Variants in ZNF250 observed in about 807,000 individuals in gnomAD.
The protein encoded by ZNF250 is zinc finger protein 250.
Under a neutral mutation model 37.1 loss-of-function variants are expected in ZNF250, and 13 were observed. The ratio of observed to expected loss-of-function variants is 0.35; its 90% CI spans 0.23 to 0.56. ZNF250 has a LOEUF of 0.56. Ranked by LOEUF, ZNF250 falls within the 20% of genes least tolerant of loss-of-function variation. The pLI, the probability that ZNF250 is intolerant of heterozygous loss-of-function variation, is 0.87. For synonymous variants in ZNF250, 251 were observed against 265.6 expected, an observed-to-expected ratio of 0.94 and a Z score of 0.54; for missense variants, 474 against 697.9, an observed-to-expected ratio of 0.68 and a Z score of 3.61.
chr8:144,898,397 T>C (rs2129902045), intron 1 of ZNF250, among the ~76,000 whole-genome samples: 1 of 152,270 alleles, frequency 6.6e-6, no homozygotes, highest in Non-Finnish European at 1.5e-5. Flanking sequence ...CAGTAACACC[T>C]AATCAGAAAA....
rs1173224426 is a variant in ZNF250 at position 144,882,064 on chromosome 8, GTCGCTGAAGGCCTTCCCACAC to G, written c.1098_1118del (p.Glu366_Ser372del). ...TGTGGTGCTGAATGAGGACTGAGCG[GTCGCTGAAGGCCTTCCCACAC>G]TCGCTGCACGTGTAGGGCTTCTCCC... is the stretch of plus-strand genomic sequence containing the variant. On this transcript the variant is annotated inframe_deletion, in exon 6 of 6. Transcript: ENST00000417550. This position sits in a 1 kb window ranked among gnomAD's most constrained non-coding sequence, Gnocchi z 5.5. 1 of 1,611,578 alleles carries G rather than the reference GTCGCTGAAGGCCTTCCCACAC, an allele frequency of 6.2e-7. No homozygotes were observed. The highest frequency in any genetic ancestry group is 8.5e-7 in the Non-Finnish European group (1 of 1,179,332).
intron 5 of ZNF250, among the ~76,000 whole-genome samples, chr8:144,886,211 C>T (rs1033292438): frequency 2.6e-5 from 4 of 151,768 alleles, no homozygotes; most frequent in Admixed American, 1.3e-4. Flanking sequence ...TGGCTCATGC[C>T]GGTAATCCCA....
rs1014245175 is a variant in ZNF250 at position 144,880,126 on chromosome 8, A to G, written c.*1389T>C. ...AAATAATTCTGAATACAAATTTTTA[A>G]TTATGAATAAACTAGATTCATCTTC... is the stretch of plus-strand genomic sequence containing the variant. On this transcript the variant is annotated 3_prime_UTR_variant, in exon 6 of 6. Transcript: ENST00000417550. 6.0e-6 allele frequency: 1 copy of G among 167,182 alleles called. No individual in the cohort carries two copies. The highest frequency in any genetic ancestry group is 2.4e-5 in the African/African-American group (1 of 41,698). 10.4% of individuals were successfully genotyped at this position (167,182 alleles called of 1,614,324 possible).
rs372708944 is a variant in ZNF250, at chr8:144,882,759, C to T, written c.424G>A (p.Gly142Arg). Residue 142 changes from glycine to arginine, a missense_variant, in exon 6 of 6, where the codon GGG becomes AGG. Transcript: ENST00000417550. This position sits in a 1 kb window ranked among gnomAD's most constrained non-coding sequence, Gnocchi z 5.5. ...TCAATCCTCCCCAAGGGTGTTTTCC[C>T]CAGAATCACTGTTTGCTCTGAAATT... ...PLISEQTVIL[G>R]KTPLGRIDQE... 18 of 1,614,012 alleles carry T rather than the reference C, an allele frequency of 1.1e-5. No individual in the cohort carries two copies. The highest frequency in any genetic ancestry group is 1.5e-5 in the Non-Finnish European group (18 of 1,179,884).
intron 1 of ZNF250, among the ~76,000 whole-genome samples, chr8:144,892,615 C>G (rs1563896209): frequency 6.6e-6 from 1 of 151,670 alleles, no homozygotes; most frequent in Non-Finnish European, 1.5e-5. Context: ...AATGCAACGG[C>G]GAGATCTCGG....
intron 1 of ZNF250, among the ~76,000 whole-genome samples, chr8:144,893,293 C>A (rs2129835514): frequency 6.6e-6 from 1 of 152,240 alleles, no homozygotes; most frequent in South Asian, 2.1e-4. Flanking sequence ...CCTGCCACAC[C>A]CTGACCCTTT....
chr8:144,885,148 T>C (rs1428352731), intron 5 of ZNF250, among the ~76,000 whole-genome samples: 3 of 152,206 alleles, frequency 2.0e-5, no homozygotes, highest in African/African-American at 7.2e-5. Context: ...AGACAGAGTT[T>C]CGTTCTTGTT....
rs1350220407 is a variant in ZNF250, at chr8:144,880,371, T to C, written c.*1144A>G. ...GATGTAAAGAGGTACCCACTTGGTG[T>C]AACAGCTATGAGGTCTGCTGAGTGT... On this transcript the variant is annotated 3_prime_UTR_variant, in exon 6 of 6. Coordinates refer to ENST00000417550, the MANE Select transcript of ZNF250 (RefSeq NM_001109689.4). The C allele has an allele frequency of 2.2e-6, 1 of 455,192 alleles. No homozygotes were observed. The highest frequency in any genetic ancestry group is 2.0e-5 in the African/African-American group (1 of 50,048). The allele number at this position is 455,192 out of a possible 1,614,324, so 28.2% of individuals were successfully genotyped here.
chr8:144,898,440 C>G (rs991444265), intron 1 of ZNF250, among the ~76,000 whole-genome samples: 5 of 152,012 alleles, frequency 3.3e-5, no homozygotes, highest in Non-Finnish European at 7.4e-5. Flanking sequence ...CAACAAATAG[C>G]AACAAGAAAC....
At chr8:144,893,352 A>G (rs1032595143) in intron 1 of ZNF250, among the ~76,000 whole-genome samples, 3 of 151,824 alleles carry the variant, frequency 2.0e-5, no homozygotes, top group African/African-American at 7.3e-5. Flanking sequence ...TTATTTTGAA[A>G]CAGAATCTCG....
At chr8:144,889,461 A>G (rs1832152325) in intron 4 of ZNF250, 120 bp downstream of exon 4, 2 of 720,760 alleles carry the variant, frequency 2.8e-6, no homozygotes, top group Middle Eastern at 3.2e-4. Context: ...ATAAGGCCAG[A>G]TAAGGTTTTA....
rs952275714 is a variant in ZNF250 at position 144,901,143 on chromosome 8, C to G, written c.-55+256G>C. Among the ~76,000 whole-genome samples, 2 of 123,948 alleles carry G rather than the reference C, an allele frequency of 1.6e-5. No homozygotes were observed. The allele number at this position is 123,948 out of a possible 152,430, so 81.3% of individuals were successfully genotyped here. A position where few individuals can be genotyped will look rare whatever the true frequency, so the allele number is the denominator to read the frequency against. On this transcript the variant is annotated intron_variant, in intron 1 of 5. Coordinates refer to ENST00000417550, the MANE Select transcript of ZNF250 (RefSeq NM_001109689.4). This position sits in a 1 kb window ranked among gnomAD's most constrained non-coding sequence, Gnocchi z 5.4. ...AGGGACCGAGGCCGTCCGAGGCGGA[C>G]GGGGGTGCGGGAGGGCCTGAGGGGG...
chr8:144,881,340 T>C lies in ZNF250; in HGVS notation c.*175A>G. The C allele has an allele frequency of 1.2e-6, 1 of 868,816 alleles. No individual in the cohort carries two copies. 53.8% of individuals were successfully genotyped at this position (868,816 alleles called of 1,614,324 possible). A position where few individuals can be genotyped will look rare whatever the true frequency, so the allele number is the denominator to read the frequency against. On this transcript the variant is annotated 3_prime_UTR_variant, in exon 6 of 6. Coordinates refer to ENST00000417550, the MANE Select transcript of ZNF250 (RefSeq NM_001109689.4). Reference sequence around the variant, plus strand: ...TGAGGAAAATAAAACAGGTAGTCTCTGAAGTTTTTCCACAGGAACAGCACG... The same window carrying C: ...TGAGGAAAATAAAACAGGTAGTCTCCGAAGTTTTTCCACAGGAACAGCACG...
chr8:144,889,460 G>C (rs897147686), intron 4 of ZNF250, 121 bp downstream of exon 4: 2 of 718,486 alleles, frequency 2.8e-6, no homozygotes, highest in African/African-American at 1.8e-5. Context: ...GATAAGGCCA[G>C]ATAAGGTTTT....
chr8:144,888,777 C>T (rs919706682), intron 4 of ZNF250, among the ~76,000 whole-genome samples: 1 of 151,780 alleles, frequency 6.6e-6, no homozygotes, highest in Admixed American at 6.6e-5. Context: ...GACAGAGTCT[C>T]ATGCTCTGTC....
At chr8:144,899,516 T>C (rs1031571898) in intron 1 of ZNF250, among the ~76,000 whole-genome samples, 2 of 152,188 alleles carry the variant, frequency 1.3e-5, no homozygotes, top group Non-Finnish European at 2.9e-5. Flanking sequence ...GTATAATTAT[T>C]ATATTCAATA....
upstream of ZNF250, chr8:144,901,516 C>A (rs1253516792): frequency 6.6e-6 from 1 of 152,452 alleles, no homozygotes; most frequent in Non-Finnish European, 1.5e-5. The surrounding 1 kb of genome is among the most constrained non-coding windows in gnomAD (Gnocchi z 5.4). Flanking sequence ...CCCTCAGTTC[C>A]CGCCCCCACA....
At position 144,897,806 on chromosome 8, in the gene ZNF250, T is replaced by G. The variant is rs1362609569; in HGVS notation, c.-55+3593A>C. Among the ~76,000 whole-genome samples, 1 of 152,166 alleles carries G rather than the reference T, an allele frequency of 6.6e-6. No homozygotes were observed. Among genetic ancestry groups the G allele is most frequent in the Non-Finnish European group, 1.5e-5 (1 of 68,026 alleles). On this transcript the variant is annotated intron_variant, in intron 1 of 5. Coordinates refer to ENST00000417550, the MANE Select transcript of ZNF250 (RefSeq NM_001109689.4). This position sits in a 1 kb window ranked among gnomAD's most constrained non-coding sequence, Gnocchi z 5.2. ...ATGGGAAACGAAGGGATGGGCCGAA[T>G]TAAAGGAATAGGTTGGGCTAGTTAA...
chr8:144,882,186 G>A lies in ZNF250; in HGVS notation c.997C>T (p.Pro333Ser). ...TTCCCACACTCATTGCACCTGTGAG[G>A]CTTCTCCCCAGTGTGTACCCTCTGG... Reference protein sequence around the residue: ...SHQRVHTGEKPHRCNECGKTF... With the variant: ...SHQRVHTGEKSHRCNECGKTF... The change falls in exon 6 of 6, where the codon CCT (proline) becomes TCT (serine). Residue 333 changes from proline (P) to serine (S), a missense_variant. This residue lies in a region of ZNF250 where 282 missense variants were observed against 470.4 expected (regional missense o/e 0.60). Transcript: ENST00000417550. This position sits in a 1 kb window ranked among gnomAD's most constrained non-coding sequence, Gnocchi z 5.5. The A allele has an allele frequency of 6.2e-7, 1 of 1,614,116 alleles. No homozygotes were observed. Among genetic ancestry groups the A allele is most frequent in the Non-Finnish European group, 8.5e-7 (1 of 1,180,016 alleles).
Sources: allele counts gnomAD v4.1 joint callset (sites outside exome capture counted in the v4.1 genomes callset), GRCh38; gene constraint gnomAD v4.1.1; regional missense constraint gnomAD v4.1.1; non-coding constraint Gnocchi (gnomAD v3.1); transcripts MANE v1.5; gene names NCBI Gene and HGNC (gene_info 2026-07-23, HGNC 2026-07-21).